The following EYA2 variants were observed in gnomAD, a reference collection of about 807,000 sequenced individuals.
The protein encoded by EYA2 is protein phosphatase EYA2.
In EYA2, 31 loss-of-function variants were observed where a neutral mutation model predicts 69.2. The observed-to-expected ratio is 0.45, with a 90% CI of 0.34 to 0.60. The LOEUF is 0.60. Among genes scored for constraint, EYA2 ranks in the 20% least tolerant of loss-of-function variants. The probability of loss-of-function intolerance (pLI) is 0.02; values close to 1 mark genes in which losing one functional copy is unlikely to be tolerated. For missense variants in EYA2, 622 were observed against 701.2 expected (o/e 0.89, Z 1.28); for synonymous variants, 257 against 279.4 (o/e 0.92, Z 0.80).
chr20:47,078,315 A>G (rs1448489165), intron 7 of EYA2, among the ~76,000 whole-genome samples: 1 of 103,774 alleles, frequency 9.6e-6, no homozygotes, highest in Non-Finnish European at 1.8e-5. Flanking sequence ...GCACATGTGC[A>G]CGTGCGCGCG....
intron 9 of EYA2, among the ~76,000 whole-genome samples, chr20:47,131,503 T>C (rs2033341720): frequency 6.6e-6 from 1 of 152,206 alleles, no homozygotes; most frequent in Non-Finnish European, 1.5e-5. Context: ...CACATCCTAG[T>C]CCCCAGAATC....
At chr20:47,149,688 C>CAAAAAAAAAAAA (rs59780173) in intron 10 of EYA2, among the ~76,000 whole-genome samples, 1 of 102,664 alleles carries the variant, frequency 9.7e-6, no homozygotes, top group African/African-American at 3.7e-5. Flanking sequence ...ACTAAAAATA[C>CAAAAAAAAAAAA]AAAAAAAAAA....
chr20:46,926,487 G>C (rs994181721), intron 1 of EYA2, among the ~76,000 whole-genome samples: 1 of 152,210 alleles, frequency 6.6e-6, no homozygotes, highest in African/African-American at 2.4e-5. Flanking sequence ...AGGAAAAGAA[G>C]GGAGAAATTC....
chr20:47,139,513 A>G (rs930234054), intron 9 of EYA2, among the ~76,000 whole-genome samples: 1 of 151,760 alleles, frequency 6.6e-6, no homozygotes, highest in Non-Finnish European at 1.5e-5. Context: ...GCTCACCACA[A>G]CCTCCTCCTC....
intron 10 of EYA2, among the ~76,000 whole-genome samples, chr20:47,154,877 G>A (rs914423719): frequency 7.6e-6 from 1 of 132,294 alleles, no homozygotes; most frequent in South Asian, 2.8e-4. Flanking sequence ...ATGGAGCCTC[G>A]CTCTGTCTCT....
At chr20:47,112,979 C>T (rs2032790918) in intron 9 of EYA2, among the ~76,000 whole-genome samples, 1 of 147,330 alleles carries the variant, frequency 6.8e-6, no homozygotes, top group Non-Finnish European at 1.5e-5. Context: ...TCAAGCGATC[C>T]TCCTGCCTCA....
intron 1 of EYA2, among the ~76,000 whole-genome samples, chr20:46,975,998 A>G (rs1382235095): frequency 1.3e-5 from 2 of 152,210 alleles, no homozygotes; most frequent in African/African-American, 4.8e-5. Flanking sequence ...AGGACTCCCT[A>G]GGACTCAGTC....
chr20:47,049,670 C>G (rs1254015934), intron 5 of EYA2, among the ~76,000 whole-genome samples: 1 of 151,008 alleles, frequency 6.6e-6, no homozygotes, highest in Non-Finnish European at 1.5e-5. Flanking sequence ...TCCCTGAGGC[C>G]CCCCCAGAAG....
At chr20:47,054,423 A>T (rs934128699) in intron 5 of EYA2, among the ~76,000 whole-genome samples, 1 of 152,220 alleles carries the variant, frequency 6.6e-6, no homozygotes, top group Non-Finnish European at 1.5e-5. Context: ...TGTCGAATTC[A>T]TGAATCCGTC....
At chr20:46,943,086 G>T (rs1011217557) in intron 1 of EYA2, among the ~76,000 whole-genome samples, 1 of 152,220 alleles carries the variant, frequency 6.6e-6, no homozygotes, top group Non-Finnish European at 1.5e-5. Context: ...ATTAATCGGT[G>T]CAGAGCAGTG....
chr20:47,140,549 A>G (rs898445191), intron 9 of EYA2, among the ~76,000 whole-genome samples: 4 of 152,200 alleles, frequency 2.6e-5, no homozygotes, highest in Non-Finnish European at 4.4e-5. Flanking sequence ...GTATGGAGCA[A>G]GGGGACAAGG....
chr20:47,162,106 T>C lies in EYA2; in HGVS notation c.979-7033T>C, dbSNP rs184394149. ...TAGAGAACATGTCACCCGGTCTCTG[T>C]CCTCGTCATCACCTGGCATTCTTCG... On this transcript the variant is annotated intron_variant, in intron 10 of 15. Coordinates refer to ENST00000327619, the MANE Select transcript of EYA2 (RefSeq NM_005244.5). 4.3e-4 allele frequency among the ~76,000 whole-genome samples: 65 copies of C among 152,292 alleles called. 1 individual carries two copies. In the East Asian group the frequency reaches 0.013, roughly 29 times the overall value.
rs561245341 is a variant in EYA2, at chr20:47,015,427, C to T, written c.299-754C>T. On this transcript the variant is annotated intron_variant, in intron 4 of 15. Transcript: ENST00000327619. ...ACTGTGGCCTTGGGATTAGCAGGTC[C>T]CCCCGTGAGATTGGAGAGTGTCTTA... Among the ~76,000 whole-genome samples the T allele has an allele frequency of 2.4e-4, 37 of 152,174 alleles. 3 individuals are homozygous for T. In the South Asian group the frequency reaches 7.3e-3, roughly 30 times the overall value.
intron 1 of EYA2, among the ~76,000 whole-genome samples, chr20:46,943,220 C>T (rs1600566687): frequency 6.6e-6 from 1 of 152,304 alleles, no homozygotes; most frequent in East Asian, 1.9e-4. Context: ...AGGGTTGCTG[C>T]CAAACATCCT....
intron 5 of EYA2, among the ~76,000 whole-genome samples, chr20:47,027,455 C>A (rs1190186007): frequency 6.6e-6 from 1 of 152,230 alleles, no homozygotes; most frequent in African/African-American, 2.4e-5. Context: ...GCAACACCTC[C>A]AGCCTGGGGG....
intron 1 of EYA2, among the ~76,000 whole-genome samples, chr20:46,973,489 G>C (rs969425661): frequency 6.6e-6 from 1 of 152,246 alleles, no homozygotes; most frequent in Non-Finnish European, 1.5e-5. Flanking sequence ...TGTTCACGAT[G>C]ACACAAGGAG....
chr20:47,163,946 A>ACTT, intron 10 of EYA2, among the ~76,000 whole-genome samples: 1 of 152,054 alleles, frequency 6.6e-6, no homozygotes, highest in East Asian at 1.9e-4. Flanking sequence ...GCCCCACTGC[A>ACTT]CTTCACCTGT....
chr20:46,934,025 C>T (rs1355000478), intron 1 of EYA2, among the ~76,000 whole-genome samples: 2 of 152,232 alleles, frequency 1.3e-5, no homozygotes, highest in Non-Finnish European at 1.5e-5. Context: ...CTCTCAAGAC[C>T]TCACGTGACA....
At chr20:47,012,077 G>T (rs1388471452) in intron 4 of EYA2, among the ~76,000 whole-genome samples, 1 of 152,196 alleles carries the variant, frequency 6.6e-6, no homozygotes, top group Non-Finnish European at 1.5e-5. Context: ...GTAGCATCAA[G>T]ATCTGTATCT....
Sources: gnomAD v4.1 joint callset for allele counts (sites outside exome capture counted in the v4.1 genomes callset) on GRCh38, gnomAD v4.1.1 for gene constraint, MANE v1.5 for transcripts, NCBI Gene and HGNC (gene_info 2026-07-23, HGNC 2026-07-21) for gene names.